Variants in GRM7 observed in about 807,000 individuals in gnomAD.
The protein encoded by GRM7 is metabotropic glutamate receptor 7.
In GRM7, 35 loss-of-function variants were observed where a neutral mutation model predicts 84.5. The observed-to-expected ratio is 0.41, with a 90% CI of 0.32 to 0.55. The LOEUF is 0.55. Among genes scored for constraint, GRM7 ranks in the 20% least tolerant of loss-of-function variants. The pLI is 0.19. For missense variants in GRM7, 1,003 were observed against 1,194.6 expected, an observed-to-expected ratio of 0.84 and a Z score of 2.36; for synonymous variants, 487 against 455.1, an observed-to-expected ratio of 1.07 and a Z score of -0.89.
At chr3:7,594,171 C>T (rs1019363765) in intron 8 of GRM7, among the ~76,000 whole-genome samples, 1 of 152,044 alleles carries the variant, frequency 6.6e-6, no homozygotes, top group Non-Finnish European at 1.5e-5. Context: ...GTCCAGTGGC[C>T]ATCTGAGATA....
At chr3:7,344,736 G>T (rs528945459) in intron 4 of GRM7, among the ~76,000 whole-genome samples, 17 of 152,140 alleles carry the variant, frequency 1.1e-4, no homozygotes, top group Non-Finnish European at 2.4e-4. Flanking sequence ...TTTCACTGAA[G>T]GGAGTAGAAT....
chr3:7,578,956 T>C lies in GRM7; in HGVS notation c.2050T>C (p.Phe684Leu), dbSNP rs1695101116. The change falls in exon 8 of 10, where the codon TTT (phenylalanine) becomes CTT (leucine). Residue 684 changes from phenylalanine to leucine, a missense_variant. This residue lies in a region of GRM7 where 910 missense variants were observed against 1,126.0 expected (regional missense o/e 0.81). Transcript: ENST00000357716. Reference sequence around the variant, plus strand: ...GAAAACAAATCGGATTTATCGCATATTTGAGCAGGGCAAGAAATCAGTAAC... The same window carrying C: ...GAAAACAAATCGGATTTATCGCATACTTGAGCAGGGCAAGAAATCAGTAAC... The part of the protein sequence containing the change: ...LTKTNRIYRI[F>L]EQGKKSVTAP... 2 of 1,614,028 alleles carry C rather than the reference T, an allele frequency of 1.2e-6. No homozygotes were observed. Among genetic ancestry groups the C allele is most frequent in the Non-Finnish European group, 1.7e-6 (2 of 1,180,038 alleles).
At chr3:7,510,060 T>G (rs1447857389) in intron 7 of GRM7, among the ~76,000 whole-genome samples, 1 of 152,176 alleles carries the variant, frequency 6.6e-6, no homozygotes, top group Non-Finnish European at 1.5e-5. Context: ...CATCACTGGT[T>G]TTTAGATTTT....
At chr3:7,017,508 G>T (rs1695609229) in intron 1 of GRM7, among the ~76,000 whole-genome samples, 1 of 152,204 alleles carries the variant, frequency 6.6e-6, no homozygotes, top group Non-Finnish European at 1.5e-5. Context: ...AAAGTTTATA[G>T]TCTTAGATGC....
chr3:7,338,809 C>T (rs1424242296), intron 4 of GRM7, among the ~76,000 whole-genome samples: 1 of 151,902 alleles, frequency 6.6e-6, no homozygotes, highest in African/African-American at 2.4e-5. Context: ...AGTGTTGAAA[C>T]CAACAAATTA....
At chr3:7,431,999 A>T (rs1178502665) in intron 5 of GRM7, among the ~76,000 whole-genome samples, 6 of 152,156 alleles carry the variant, frequency 3.9e-5, no homozygotes, top group African/African-American at 1.4e-4. Flanking sequence ...CTTGACTTTG[A>T]GCAGTGTGGC....
At chr3:7,371,258 A>C (rs994630373) in intron 4 of GRM7, among the ~76,000 whole-genome samples, 3 of 152,174 alleles carry the variant, frequency 2.0e-5, no homozygotes, top group African/African-American at 7.2e-5. Context: ...AACTGGCTCA[A>C]ATTCTGAAGT....
chr3:7,214,741 C>T (rs536650122), intron 2 of GRM7, among the ~76,000 whole-genome samples: 3 of 152,200 alleles, frequency 2.0e-5, no homozygotes, highest in South Asian at 2.1e-4. Context: ...TTGAAAAATA[C>T]GTTCAGAGAA....
At chr3:7,245,160 A>G (rs778780800) in intron 2 of GRM7, among the ~76,000 whole-genome samples, 4 of 151,964 alleles carry the variant, frequency 2.6e-5, no homozygotes, top group Non-Finnish European at 4.4e-5. Context: ...AAAACAAATA[A>G]CCTGTGAGAT....
chr3:7,538,701 C>T (rs1575469369), intron 7 of GRM7, among the ~76,000 whole-genome samples: 1 of 148,882 alleles, frequency 6.7e-6, no homozygotes, highest in East Asian at 1.9e-4. Context: ...ACCACAGCCA[C>T]CAAAAAAAAA....
intron 1 of GRM7, among the ~76,000 whole-genome samples, chr3:6,986,371 A>G (rs1258547258): frequency 6.6e-6 from 1 of 151,996 alleles, no homozygotes; most frequent in Non-Finnish European, 1.5e-5. Context: ...TGTTTTTGGT[A>G]TATCAATTAT....
intron 1 of GRM7, among the ~76,000 whole-genome samples, chr3:7,108,939 A>G (rs919429287): frequency 6.6e-6 from 1 of 152,042 alleles, no homozygotes; most frequent in African/African-American, 2.4e-5. Flanking sequence ...TTAGCATGCA[A>G]TTGGAGGTTT....
intron 1 of GRM7, among the ~76,000 whole-genome samples, chr3:7,013,199 T>C (rs950734145): frequency 1.3e-5 from 2 of 152,014 alleles, no homozygotes; most frequent in Non-Finnish European, 2.9e-5. Flanking sequence ...TAAAGGCCCC[T>C]GTGACATGTC....
chr3:6,927,376 C>T (rs545384425), intron 1 of GRM7, among the ~76,000 whole-genome samples: 7 of 151,142 alleles, frequency 4.6e-5, no homozygotes, highest in South Asian at 2.1e-4. Context: ...TGCAGTGAGC[C>T]GAGATCATGC....
intron 2 of GRM7, among the ~76,000 whole-genome samples, chr3:7,223,634 G>A (rs1341495082): frequency 6.6e-6 from 1 of 151,968 alleles, no homozygotes; most frequent in Non-Finnish European, 1.5e-5. Context: ...ATCTGTACAT[G>A]TGAGAGTCTA....
intron 8 of GRM7, among the ~76,000 whole-genome samples, chr3:7,596,578 C>G (rs191075440): frequency 6.6e-6 from 1 of 152,112 alleles, no homozygotes; most frequent in East Asian, 1.9e-4. Context: ...GGAACAGTTA[C>G]CCAAAAAGTG....
At chr3:7,664,469 T>G (rs1164278487) in intron 8 of GRM7, among the ~76,000 whole-genome samples, 3 of 152,184 alleles carry the variant, frequency 2.0e-5, no homozygotes, top group Non-Finnish European at 4.4e-5. Flanking sequence ...GTATCTCATG[T>G]GTTACTATGG....
intron 5 of GRM7, among the ~76,000 whole-genome samples, chr3:7,448,566 G>A (rs192783705): frequency 5.3e-5 from 8 of 152,254 alleles, no homozygotes; most frequent in Non-Finnish European, 7.4e-5. Flanking sequence ...AGACTCAGAG[G>A]TTGGCAAATA....
At chr3:7,254,712 C>T (rs1698132840) in intron 2 of GRM7, among the ~76,000 whole-genome samples, 1 of 152,238 alleles carries the variant, frequency 6.6e-6, no homozygotes, top group Non-Finnish European at 1.5e-5. Context: ...TGCTCAGATT[C>T]AACCCTGGCT....
Sources: allele counts gnomAD v4.1 joint callset (sites outside exome capture counted in the v4.1 genomes callset), GRCh38; gene constraint gnomAD v4.1.1; regional missense constraint gnomAD v4.1.1; transcripts MANE v1.5; gene names NCBI Gene and HGNC (gene_info 2026-07-23, HGNC 2026-07-21).